TULP3: variants seen among roughly 807,000 people sequenced by gnomAD.
TULP3 encodes the protein TUB like protein 3, also known as tubby-related protein 3.
In TULP3, 38 loss-of-function variants were observed where a neutral mutation model predicts 50.7. The observed-to-expected ratio is 0.75, with a 90% CI of 0.58 to 0.98. TULP3 has a LOEUF of 0.98. Ranked by LOEUF, TULP3 falls within the 50% of genes least tolerant of loss-of-function variation. TULP3 has a pLI of 0.00. For missense variants in TULP3, 550 were observed against 568.0 expected (o/e 0.97, Z 0.32); for synonymous variants, 183 against 196.6 (o/e 0.93, Z 0.58).
At chr12:2,932,579 C>CAAAAAAAAAAA (rs11409686) in intron 6 of TULP3, among the ~76,000 whole-genome samples, 1 of 68,904 alleles carries the variant, frequency 1.5e-5, no homozygotes, top group Admixed American at 1.7e-4. Context: ...GACCCTATCT[C>CAAAAAAAAAAA]AAAAAAAAAA....
intron 4 of TULP3, among the ~76,000 whole-genome samples, chr12:2,925,186 C>A (rs2098194031): frequency 6.6e-6 from 1 of 151,828 alleles, no homozygotes; most frequent in Non-Finnish European, 1.5e-5. Flanking sequence ...AAAAAAAGAG[C>A]AGTAAGAACC....
In TULP3 at chr12:2,933,583, T is replaced by G. The variant is rs965488022; in HGVS notation, c.809+53T>G. On this transcript the variant is annotated intron_variant, in intron 7 of 10. Coordinates refer to ENST00000448120, the MANE Select transcript of TULP3 (RefSeq NM_003324.5). ...ATTCTTTCTGATAGTCTTATTCCTATAGTTGCAGAACAGTCCTTATCTTGG... is the reference window on the plus strand; with the variant it reads ...ATTCTTTCTGATAGTCTTATTCCTAGAGTTGCAGAACAGTCCTTATCTTGG... 1.3e-5 allele frequency: 15 copies of G among 1,126,618 alleles called. No individual in the cohort carries two copies. The African/African-American group carries it at 2.2e-4, about 16-fold the overall frequency. 69.8% of individuals were successfully genotyped at this position (1,126,618 alleles called of 1,614,324 possible). A position where few individuals can be genotyped will look rare whatever the true frequency, so the allele number is the denominator to read the frequency against.
chr12:2,916,297 G>T (rs188917693), intron 2 of TULP3, among the ~76,000 whole-genome samples: 107 of 152,218 alleles, frequency 7.0e-4, no homozygotes, highest in Non-Finnish European at 4.7e-4. Context: ...CCACTGCGCC[G>T]GTCAGAGCTT....
At position 2,940,281 on chromosome 12, in the gene TULP3, A is replaced by G. The variant is rs552750371; in HGVS notation, c.*837A>G. 22 of 1,421,046 alleles carry G rather than the reference A, an allele frequency of 1.5e-5. No homozygotes were observed. The highest frequency in any genetic ancestry group is 2.0e-5 in the Non-Finnish European group (22 of 1,075,688). 88.0% of individuals were successfully genotyped at this position (1,421,046 alleles called of 1,614,324 possible). A position where few individuals can be genotyped will look rare whatever the true frequency, so the allele number is the denominator to read the frequency against. On this transcript the variant is annotated 3_prime_UTR_variant, in exon 11 of 11. Transcript: ENST00000448120. ...AGGCATCCTGTGCAAACACTTTGTC[A>G]TTATCAAGAGAGATGGCAGTATTGA... is the stretch of plus-strand genomic sequence containing the variant.
rs757906008 is a variant in TULP3, at chr12:2,931,091, G to A, written c.547G>A (p.Gly183Arg). 8 of 1,614,092 alleles carry A rather than the reference G, an allele frequency of 5.0e-6. No homozygotes were observed. Among genetic ancestry groups the A allele is most frequent in the Admixed American group, 1.7e-5 (1 of 59,986 alleles). Residue 183 changes from glycine (G) to arginine (R), a missense_variant, in exon 6 of 11, where the codon GGA (glycine) becomes AGA (arginine). Physicochemically the swap from Gly to Arg is moderately radical, Grantham distance 125 (BLOSUM62 -2). Transcript: ENST00000448120. Reference sequence around the variant, plus strand: ...CGCCCAACCAGCTGATAACCTCCTGGGAGACATAGACGACCTGGAGGACTT... The same window carrying A: ...CGCCCAACCAGCTGATAACCTCCTGAGAGACATAGACGACCTGGAGGACTT... ...TAAQPADNLL[G>R]DIDDLEDFVY... is the part of the protein sequence containing the mutation.
intron 1 of TULP3, among the ~76,000 whole-genome samples, chr12:2,899,622 G>C (rs1350790450): frequency 1.3e-5 from 2 of 151,924 alleles, no homozygotes; most frequent in African/African-American, 4.8e-5. Flanking sequence ...GGCCGGGCGT[G>C]GTGGCTCACG....
At chr12:2,892,325 A>G (rs1486590782) in intron 1 of TULP3, among the ~76,000 whole-genome samples, 2 of 151,996 alleles carry the variant, frequency 1.3e-5, no homozygotes, top group Non-Finnish European at 2.9e-5. Context: ...TAGAGGAGAT[A>G]AAGTTAGTAT....
Position 2,933,513 on chromosome 12 carries a change from T to A in TULP3, c.792T>A (p.Ser264Arg), listed in dbSNP as rs1419870676. 6.2e-7 allele frequency: 1 copy of A among 1,613,334 alleles called. No homozygotes were observed. The highest frequency in any genetic ancestry group is 1.1e-5 in the South Asian group (1 of 91,026). The change falls in exon 7 of 11, where the codon AGT (serine) becomes AGA (arginine). Residue 264 changes from serine (S) to arginine (R), a missense_variant. Ser to Arg is a moderately radical substitution (Grantham distance 110, BLOSUM62 -1). Transcript: ENST00000448120. ...DPVDLSREGE[S>R]YVGKLRSNLM... is the part of the protein sequence containing the mutation. The stretch of plus-strand genomic sequence containing the variant: ...TTGATTTATCTCGTGAAGGAGAAAG[T>A]TATGTCGGCAAGCTTAGGTGAAAGC...
intron 2 of TULP3, among the ~76,000 whole-genome samples, chr12:2,911,265 T>A (rs2098185294): frequency 6.6e-6 from 1 of 152,160 alleles, no homozygotes. Context: ...ATAAGATAGA[T>A]GTTTGATGAA....
At chr12:2,938,413 T>C (rs2098202806) in intron 10 of TULP3, 128 bp downstream of exon 10, 1 of 1,125,618 alleles carries the variant, frequency 8.9e-7, no homozygotes, top group East Asian at 2.5e-5. Context: ...ACAGGATTTC[T>C]TTGGAAAGAT....
rs150510408 is a variant in TULP3 at position 2,925,213 on chromosome 12, C to T, written c.394+2811C>T. 2.3e-4 allele frequency among the ~76,000 whole-genome samples: 35 copies of T among 151,966 alleles called. No individual in the cohort carries two copies. In the East Asian group the frequency reaches 4.7e-3, roughly 20 times the overall value. On this transcript the variant is annotated intron_variant, in intron 4 of 10. Transcript: ENST00000448120. The stretch of plus-strand genomic sequence containing the variant: ...GTAAGAACCTGTGAGGAATTTTAAG[C>T]TGAACAATGATATGATCACAGTTGA...
intron 4 of TULP3, among the ~76,000 whole-genome samples, chr12:2,924,740 G>A (rs950773092): frequency 1.2e-4 from 18 of 151,832 alleles, no homozygotes; most frequent in African/African-American, 4.1e-4. Flanking sequence ...TATAACCCCA[G>A]CACTTTGGGA....
At position 2,940,839 on chromosome 12, in the gene TULP3, C is replaced by A; in HGVS notation, c.*1395C>A. On this transcript the variant is annotated 3_prime_UTR_variant, in exon 11 of 11. Transcript: ENST00000448120. ...CTCAGGCATGTATCCCACCAAGTGC[C>A]TCCCTCACAGCCATGCCCAGAAGCC... 1.0e-6 allele frequency: 1 copy of A among 983,830 alleles called. No homozygotes were observed. The highest frequency in any genetic ancestry group is 1.5e-6 in the Non-Finnish European group (1 of 674,940). 60.9% of individuals were successfully genotyped at this position (983,830 alleles called of 1,614,324 possible).
chr12:2,912,634 G>A (rs1322746845), intron 2 of TULP3, among the ~76,000 whole-genome samples: 3 of 152,174 alleles, frequency 2.0e-5, no homozygotes, highest in Non-Finnish European at 2.9e-5. Flanking sequence ...CCCGAGGATT[G>A]GTTTGTATTA....
At chr12:2,935,404 A>C (rs1261949424) in intron 8 of TULP3, among the ~76,000 whole-genome samples, 1 of 152,228 alleles carries the variant, frequency 6.6e-6, no homozygotes, top group African/African-American at 2.4e-5. Context: ...TTACTTGTTC[A>C]ACATGAACCG....
chr12:2,893,155 A>G (rs918194545), intron 1 of TULP3, among the ~76,000 whole-genome samples: 1 of 151,728 alleles, frequency 6.6e-6, no homozygotes, highest in Non-Finnish European at 1.5e-5. Flanking sequence ...GAGCCACTGC[A>G]CTTGGCCCTA....
At chr12:2,925,364 T>C (rs114348060) in intron 4 of TULP3, among the ~76,000 whole-genome samples, 1,768 of 152,200 alleles carry the variant, frequency 0.012, 37 homozygotes, top group African/African-American at 0.04. Flanking sequence ...TAGTGTGGTG[T>C]TTGCAAAAGC....
chr12:2,930,950 A>G, intron 5 of TULP3, 87 bp from the exon 6 acceptor site: 1 of 1,405,896 alleles, frequency 7.1e-7, no homozygotes, highest in Non-Finnish European at 1.0e-6. Flanking sequence ...GTAAATTACT[A>G]AGTTGCTTTG....
intron 7 of TULP3, among the ~76,000 whole-genome samples, 191 bp downstream of exon 7, chr12:2,933,721 C>T (rs1472603254): frequency 1.3e-5 from 2 of 151,854 alleles, no homozygotes; most frequent in Non-Finnish European, 2.9e-5. Flanking sequence ...GAGGCCAAGG[C>T]GGGCGGATCA....
Sources: gnomAD v4.1 joint callset for allele counts (sites outside exome capture counted in the v4.1 genomes callset) on GRCh38, gnomAD v4.1.1 for gene constraint, MANE v1.5 for transcripts, NCBI Gene and HGNC (gene_info 2026-07-23, HGNC 2026-07-21) for gene names.